CTBP2: variants seen among roughly 807,000 people sequenced by gnomAD.
The protein encoded by CTBP2 is C-terminal-binding protein 2.
A neutral mutation model predicts 80.3 loss-of-function variants in CTBP2; 30 were observed. The observed-to-expected ratio is 0.37, with a 90% confidence interval of 0.28 to 0.51. CTBP2 has a LOEUF of 0.51. CTBP2 is among the 20% of genes least tolerant of loss of function. The pLI, the probability that CTBP2 is intolerant of heterozygous loss-of-function variation, is 0.93. For missense variants in CTBP2, 1,212 were observed against 1,375.3 expected, an observed-to-expected ratio of 0.88 and a Z score of 1.88; for synonymous variants, 594 against 587.4, an observed-to-expected ratio of 1.01 and a Z score of -0.16.
intron 2 of CTBP2, among the ~76,000 whole-genome samples, chr10:125,094,796 G>A (rs923446149): frequency 2.0e-5 from 3 of 151,954 alleles, no homozygotes; most frequent in East Asian, 1.9e-4. Context: ...TAAAGGAATC[G>A]TAAGTTGAAG....
chr10:125,051,414 T>C (rs758235301), intron 2 of CTBP2, among the ~76,000 whole-genome samples: 15 of 152,114 alleles, frequency 9.9e-5, no homozygotes, highest in Non-Finnish European at 1.8e-4. Flanking sequence ...CCAAGGTGGG[T>C]GGATCACTTG....
intron 1 of CTBP2, among the ~76,000 whole-genome samples, chr10:125,145,454 C>T (rs1451600965): frequency 6.6e-6 from 1 of 152,180 alleles, no homozygotes; most frequent in Admixed American, 6.5e-5. Flanking sequence ...CAAGCCCACC[C>T]AAGCTTCGTA....
At chr10:125,065,686 A>G (rs1844515579) in intron 2 of CTBP2, among the ~76,000 whole-genome samples, 1 of 152,212 alleles carries the variant, frequency 6.6e-6, no homozygotes, top group Non-Finnish European at 1.5e-5. Context: ...TCTTGTGGCC[A>G]GCCCCAGTGG....
At chr10:125,039,826 C>A (rs896768501) in intron 2 of CTBP2, among the ~76,000 whole-genome samples, 1 of 152,224 alleles carries the variant, frequency 6.6e-6, no homozygotes, top group African/African-American at 2.4e-5. Flanking sequence ...CTGGCCTTGA[C>A]ACTTGGTTCC....
chr10:124,997,689 GCCCGCTGC>G (rs1466256967), intron 4 of CTBP2: 1 of 518,018 alleles, frequency 1.9e-6, no homozygotes, highest in Non-Finnish European at 3.5e-6. Flanking sequence ...ACAGCGCCTT[GCCCGCTGC>G]CCCACAGCAA....
intron 1 of CTBP2, chr10:125,005,809 G>A: frequency 6.2e-7 from 1 of 1,609,964 alleles, no homozygotes; most frequent in Non-Finnish European, 8.5e-7. Context: ...CTGGTCTCAT[G>A]CCCCAGGCGG....
At chr10:125,091,303 C>A (rs1041754443) in intron 2 of CTBP2, among the ~76,000 whole-genome samples, 6 of 152,194 alleles carry the variant, frequency 3.9e-5, no homozygotes, top group African/African-American at 1.2e-4. Flanking sequence ...CCTCCGTATG[C>A]TCAGATGCAC....
chr10:125,057,212 CGAGTA>C (rs1261072304), intron 2 of CTBP2, among the ~76,000 whole-genome samples: 1 of 152,146 alleles, frequency 6.6e-6, no homozygotes, highest in Non-Finnish European at 1.5e-5. Flanking sequence ...ATGAGGTCAG[CGAGTA>C]GAGAGGCCCT....
chr10:125,026,570 G>A lies in CTBP2; in HGVS notation c.1190C>T (p.Pro397Leu), dbSNP rs867385406. ...ACGGCGAGCCGGGTCTCCAGCTCGG[G>A]GGGATGCTGTCTGCAGAGGAGCCGC... is the stretch of plus-strand genomic sequence containing the variant. Residue 397 changes from proline to leucine, a missense_variant, in exon 1 of 9, where the codon CCC becomes CTC. This residue lies in a region of CTBP2 where 848 missense variants were observed against 782.3 expected (regional missense o/e 1.08). Coordinates refer to ENST00000309035, the MANE Select transcript of CTBP2 (RefSeq NM_022802.3). The A allele has an allele frequency of 6.4e-6, 10 of 1,566,616 alleles. No homozygotes were observed. The African/African-American group carries it at 1.2e-4, about 19-fold the overall frequency.
intron 1 of CTBP2, among the ~76,000 whole-genome samples, chr10:125,147,861 C>T (rs1859070166): frequency 6.6e-6 from 1 of 152,024 alleles, no homozygotes; most frequent in Non-Finnish European, 1.5e-5. Context: ...TGCGCCACTG[C>T]ACTCCAAGCC....
chr10:125,158,348 G>C (rs530480629), intron 1 of CTBP2, among the ~76,000 whole-genome samples: 25 of 152,216 alleles, frequency 1.6e-4, no homozygotes, highest in Non-Finnish European at 7.4e-5. Context: ...GGTATGAGTC[G>C]ATATATTTCG....
chr10:125,044,334 G>A (rs1960680933), intron 2 of CTBP2, among the ~76,000 whole-genome samples: 1 of 152,228 alleles, frequency 6.6e-6, no homozygotes, highest in African/African-American at 2.4e-5. Context: ...GATCCTGCTG[G>A]TGTGGTGCTG....
At chr10:125,072,736 C>A (rs1845700311) in intron 2 of CTBP2, among the ~76,000 whole-genome samples, 1 of 151,776 alleles carries the variant, frequency 6.6e-6, no homozygotes, top group African/African-American at 2.4e-5. Flanking sequence ...GAGGAACTAC[C>A]ACCTACCACT....
intron 3 of CTBP2, among the ~76,000 whole-genome samples, chr10:125,035,147 T>C (rs1475049579): frequency 6.6e-6 from 1 of 152,204 alleles, no homozygotes; most frequent in Non-Finnish European, 1.5e-5. Context: ...CTTCTCAGAC[T>C]TCTCATCCTC....
At chr10:125,030,398 C>T (rs1958054919), upstream of CTBP2, among the ~76,000 whole-genome samples, 1 of 152,192 alleles carries the variant, frequency 6.6e-6, no homozygotes, top group South Asian at 2.1e-4. Flanking sequence ...CCCTGTGCGA[C>T]ACAAGGTGTC....
At chr10:125,086,219 G>C (rs1431608838) in intron 2 of CTBP2, among the ~76,000 whole-genome samples, 1 of 152,290 alleles carries the variant, frequency 6.6e-6, no homozygotes, top group South Asian at 2.1e-4. Context: ...ACTCATGAAC[G>C]GGATTAGTGC....
chr10:125,155,374 T>C (rs188004743), intron 1 of CTBP2, among the ~76,000 whole-genome samples: 5 of 151,894 alleles, frequency 3.3e-5, no homozygotes, highest in Admixed American at 3.3e-4. Flanking sequence ...CTCCCTATTG[T>C]ACATTCTGTA....
intron 1 of CTBP2, among the ~76,000 whole-genome samples, chr10:125,152,653 T>C (rs7068243): frequency 1.6e-3 from 248 of 152,374 alleles, no homozygotes; most frequent in African/African-American, 5.7e-3. Context: ...CACTTATATG[T>C]GCATATTGGT....
At chr10:125,082,893 T>G (rs1195551905) in intron 2 of CTBP2, among the ~76,000 whole-genome samples, 1 of 152,202 alleles carries the variant, frequency 6.6e-6, no homozygotes, top group East Asian at 1.9e-4. Context: ...CCAGCCTTTC[T>G]GAGAATTTTC....
Sources: gnomAD v4.1 joint callset for allele counts (sites outside exome capture counted in the v4.1 genomes callset) on GRCh38, gnomAD v4.1.1 for gene constraint, gnomAD v4.1.1 regional missense constraint, MANE v1.5 for transcripts, NCBI Gene and HGNC (gene_info 2026-07-23, HGNC 2026-07-21) for gene names.